The following ARHGAP32 variants were observed in gnomAD, a reference collection of about 807,000 sequenced individuals.
ARHGAP32 encodes Rho GTPase activating protein 32, also known as rho GTPase-activating protein 32.
Under a neutral mutation model 186.5 loss-of-function variants are expected in ARHGAP32, and 51 were observed. The ratio of observed to expected loss-of-function variants is 0.27; its 90% confidence interval spans 0.22 to 0.35. ARHGAP32 has a LOEUF of 0.35. Ranked by LOEUF, ARHGAP32 falls within the 10% of genes least tolerant of loss-of-function variation. ARHGAP32 has a pLI of 1.00. For missense variants in ARHGAP32, 2,186 were observed against 2,623.5 expected (o/e 0.83, Z 3.64); for synonymous variants, 950 against 964.3 (o/e 0.99, Z 0.27).
chr11:129,116,806 T>C (rs1300455276), intron 5 of ARHGAP32, among the ~76,000 whole-genome samples: 1 of 152,034 alleles, frequency 6.6e-6, no homozygotes, highest in Non-Finnish European at 1.5e-5. Flanking sequence ...AGGACAAGTA[T>C]GACTTCCCAC....
At chr11:129,057,714 A>T (rs2135115342) in intron 10 of ARHGAP32, among the ~76,000 whole-genome samples, 1 of 152,152 alleles carries the variant, frequency 6.6e-6, no homozygotes, top group Non-Finnish European at 1.5e-5. Flanking sequence ...AAAAAAAAAA[A>T]AAAAAATCTG....
At chr11:129,191,981 G>T in intron 1 of ARHGAP32, 102 bp downstream of exon 1, 1 of 860,274 alleles carries the variant, frequency 1.2e-6, no homozygotes. Flanking sequence ...CCAGAAAACA[G>T]AAAGTCTTAT....
intron 5 of ARHGAP32, among the ~76,000 whole-genome samples, chr11:129,120,884 T>C (rs111710015): frequency 6.6e-5 from 10 of 152,250 alleles, no homozygotes; most frequent in African/African-American, 2.4e-4. Context: ...ATTGACAGTA[T>C]GAATAACCTA....
intron 8 of ARHGAP32, 44 bp downstream of exon 8, chr11:129,064,797 T>C (rs771333982): frequency 2.3e-5 from 32 of 1,410,618 alleles, no homozygotes; most frequent in Non-Finnish European, 2.8e-5. Flanking sequence ...CTTAAGTAGA[T>C]AATTTAAATA....
At chr11:129,067,073 T>C (rs551832804) in intron 6 of ARHGAP32, among the ~76,000 whole-genome samples, 1 of 152,088 alleles carries the variant, frequency 6.6e-6, no homozygotes, top group South Asian at 2.1e-4. Context: ...GAAAATAAGA[T>C]AGAACTCTCC....
intron 11 of ARHGAP32, among the ~76,000 whole-genome samples, chr11:129,040,128 T>A (rs1196279841): frequency 6.6e-6 from 1 of 152,084 alleles, no homozygotes. Context: ...TAACTGTTTT[T>A]TTTTTCTTAA....
In ARHGAP32 at chr11:128,974,106, G is replaced by A. The variant is rs753334102; in HGVS notation, c.3073+18C>T. On this transcript the variant is annotated intron_variant, in intron 21 of 22. Coordinates refer to ENST00000682385, the MANE Select transcript of ARHGAP32 (RefSeq NM_001378024.1). ...TCCCTCTTAACTTAAAGAAAGAATG[G>A]AGGAAAACAAACGGTACCTGTCTGA... 4 of 1,610,476 alleles carry A rather than the reference G, an allele frequency of 2.5e-6. No individual in the cohort carries two copies. In the African/African-American group the frequency reaches 4.0e-5, roughly 16 times the overall value.
At chr11:129,142,035 C>T (rs933524735) in intron 2 of ARHGAP32, among the ~76,000 whole-genome samples, 1 of 148,682 alleles carries the variant, frequency 6.7e-6, no homozygotes, top group Non-Finnish European at 1.5e-5. Context: ...CAGGAAAGAA[C>T]AAGAATAAAA....
chr11:129,028,952 G>A (rs1022234590), intron 11 of ARHGAP32, among the ~76,000 whole-genome samples: 4 of 152,126 alleles, frequency 2.6e-5, no homozygotes, highest in African/African-American at 9.7e-5. Context: ...AGTACACAGG[G>A]AGAAATACTA....
At position 128,968,333 on chromosome 11, in the gene ARHGAP32, T is replaced by C. The variant is rs1050442492; in HGVS notation, c.*574A>G. The C allele has an allele frequency of 6.6e-6, 1 of 152,210 alleles. No individual in the cohort carries two copies. The highest frequency in any genetic ancestry group is 2.1e-4 in the South Asian group (1 of 4,834). 9.4% of individuals were successfully genotyped at this position (152,210 alleles called of 1,614,324 possible). A position where few individuals can be genotyped will look rare whatever the true frequency, so the allele number is the denominator to read the frequency against. ...AGTCTTAATTTCTTATTTTTAATTA[T>C]AATGTTGCCAACTGTCTGACTGACC... is the stretch of plus-strand genomic sequence containing the variant. On this transcript the variant is annotated 3_prime_UTR_variant, in exon 23 of 23. Transcript: ENST00000682385.
At chr11:129,163,077 T>C (rs896629034) in intron 2 of ARHGAP32, among the ~76,000 whole-genome samples, 5 of 152,172 alleles carry the variant, frequency 3.3e-5, no homozygotes, top group African/African-American at 9.7e-5. Flanking sequence ...AATAACATGC[T>C]AAAAGGCAAA....
intron 1 of ARHGAP32, among the ~76,000 whole-genome samples, chr11:129,277,131 C>A (rs913553982): frequency 6.6e-6 from 1 of 152,106 alleles, no homozygotes; most frequent in Admixed American, 6.6e-5. Flanking sequence ...GATCAACATA[C>A]AGTGTGCAGA....
chr11:128,985,881 TA>T, intron 15 of ARHGAP32, 121 bp downstream of exon 15: 1 of 259,768 alleles, frequency 3.8e-6, no homozygotes, highest in Non-Finnish European at 7.2e-6. Context: ...TATATATATA[TA>T]TATGAAATGG....
At chr11:129,182,311 A>G (rs1944073767) in intron 1 of ARHGAP32, among the ~76,000 whole-genome samples, 1 of 152,084 alleles carries the variant, frequency 6.6e-6, no homozygotes, top group Non-Finnish European at 1.5e-5. Context: ...AAATATTTTT[A>G]TATATTAGCC....
chr11:129,231,277 CAT>C (rs1944855139), intron 1 of ARHGAP32, among the ~76,000 whole-genome samples: 1 of 152,146 alleles, frequency 6.6e-6, no homozygotes, highest in African/African-American at 2.4e-5. Context: ...AGCTATTAAA[CAT>C]GTGGCTAATA....
At chr11:129,029,368 G>A (rs1043128981) in intron 11 of ARHGAP32, among the ~76,000 whole-genome samples, 2 of 152,190 alleles carry the variant, frequency 1.3e-5, no homozygotes, top group East Asian at 1.9e-4. Context: ...ACCCATGTCA[G>A]GTGCATGGCA....
rs182732056 is a variant in ARHGAP32, at chr11:129,103,699, T to C, written c.445-9992A>G. The stretch of plus-strand genomic sequence containing the variant: ...AAAAGTATAAATAACAGCTGACTTC[T>C]CATCAGAAACAAGAGAGGGGAGAAG... On this transcript the variant is annotated intron_variant, in intron 5 of 22. Transcript: ENST00000682385. Among the ~76,000 whole-genome samples the C allele has an allele frequency of 2.0e-4, 31 of 152,198 alleles. No individual in the cohort carries two copies. In the East Asian group the frequency reaches 5.2e-3, roughly 26 times the overall value.
chr11:129,061,206 A>G (rs1316246421), intron 10 of ARHGAP32, among the ~76,000 whole-genome samples: 2 of 152,226 alleles, frequency 1.3e-5, no homozygotes, highest in Non-Finnish European at 2.9e-5. Flanking sequence ...ACACTTGTAT[A>G]AGTAGACCAC....
At chr11:129,196,222 A>G (rs148816542), upstream of ARHGAP32, among the ~76,000 whole-genome samples, 21 of 152,352 alleles carry the variant, frequency 1.4e-4, no homozygotes, top group African/African-American at 5.0e-4. Context: ...AGTGGTAAGT[A>G]GTAATAATCA....
Sources: gnomAD v4.1 joint callset for allele counts (sites outside exome capture counted in the v4.1 genomes callset) on GRCh38, gnomAD v4.1.1 for gene constraint, MANE v1.5 for transcripts, NCBI Gene and HGNC (gene_info 2026-07-23, HGNC 2026-07-21) for gene names.